ACOXL: variants seen among roughly 807,000 people sequenced by gnomAD.
ACOXL encodes the protein acyl-CoA oxidase like, also known as acyl-coenzyme A oxidase-like protein.
ACOXL carries 70 observed loss-of-function variants against 71.9 expected under a neutral mutation model. That is an observed-to-expected ratio of 0.97 (90% confidence interval 0.80 to 1.19). The LOEUF is 1.19. Among genes scored for constraint, ACOXL ranks in the 50% most tolerant of loss-of-function variants. The probability of loss-of-function intolerance (pLI) is 0.00; values close to 1 mark genes in which losing one functional copy is unlikely to be tolerated. For missense variants in ACOXL, 703 were observed against 736.3 expected (o/e 0.95, Z 0.52); for synonymous variants, 253 against 281.6 (o/e 0.90, Z 1.02).
intron 16 of ACOXL, among the ~76,000 whole-genome samples, chr2:111,091,991 C>T (rs1369222910): frequency 1.3e-5 from 2 of 152,148 alleles, no homozygotes; most frequent in African/African-American, 2.4e-5. Flanking sequence ...CTATTTGACT[C>T]AGAATAAGAG....
chr2:111,078,418 C>A (rs912067040), intron 16 of ACOXL, among the ~76,000 whole-genome samples: 1 of 152,116 alleles, frequency 6.6e-6, no homozygotes, highest in Non-Finnish European at 1.5e-5. Context: ...CACCCACCAC[C>A]ATGCCCAGCT....
At chr2:110,900,072 AACACACACACACATAC>A (rs1276363079) in intron 10 of ACOXL, among the ~76,000 whole-genome samples, 43 of 123,210 alleles carry the variant, frequency 3.5e-4, no homozygotes, top group African/African-American at 1.3e-3. Context: ...AAAGCTTTTC[AACACACACACACATAC>A]ACACACACAC....
chr2:110,815,085 G>T (rs914083123), intron 9 of ACOXL, among the ~76,000 whole-genome samples: 1 of 152,194 alleles, frequency 6.6e-6, no homozygotes, highest in Admixed American at 6.5e-5. Context: ...TACAATCATG[G>T]TGGAAGGGCG....
intron 15 of ACOXL, among the ~76,000 whole-genome samples, chr2:111,035,439 C>T (rs917990937): frequency 6.6e-6 from 1 of 152,122 alleles, no homozygotes; most frequent in African/African-American, 2.4e-5. Context: ...CTGTCTGAAC[C>T]CCTAAGGGTG....
At position 110,798,724 on chromosome 2, in the gene ACOXL, G is replaced by T. The variant is rs542201176; in HGVS notation, c.460G>T (p.Gly154Trp). 97 of 1,612,972 alleles carry T rather than the reference G, an allele frequency of 6.0e-5. No individual in the cohort carries two copies. In the South Asian group the frequency reaches 9.3e-4, roughly 16 times the overall value. Residue 154 changes from glycine (G) to tryptophan (W), a missense_variant and splice_region_variant, in exon 6 of 18, where the codon GGG becomes TGG. Transcript: ENST00000439055. Reference sequence around the variant, plus strand: ...GCTCATCATAGATGGAAGATCTCAAGGTTTGTTACCAATACAGACAACTAG... The same window carrying T: ...GCTCATCATAGATGGAAGATCTCAATGTTTGTTACCAATACAGACAACTAG... Reference protein sequence around the residue: ...AQLIIDGRSQGPHCFIVPVRD... With the variant: ...AQLIIDGRSQWPHCFIVPVRD...
intron 13 of ACOXL, among the ~76,000 whole-genome samples, chr2:110,990,686 AC>A (rs1478096326): frequency 6.6e-6 from 1 of 152,212 alleles, no homozygotes; most frequent in Non-Finnish European, 1.5e-5. Context: ...AGAAGCTTAT[AC>A]ATTTTAAATG....
chr2:110,829,421 A>G (rs2105611359), intron 9 of ACOXL, among the ~76,000 whole-genome samples: 1 of 152,286 alleles, frequency 6.6e-6, no homozygotes, highest in South Asian at 2.1e-4. Context: ...CTCCTCGGGA[A>G]GTTGGTTCTT....
intron 14 of ACOXL, among the ~76,000 whole-genome samples, chr2:111,002,719 T>C (rs181090290): frequency 1.6e-4 from 24 of 152,318 alleles, no homozygotes; most frequent in African/African-American, 5.1e-4. Context: ...TCTTTTCATA[T>C]TTTCATTTTA....
intron 9 of ACOXL, among the ~76,000 whole-genome samples, chr2:110,813,392 C>A (rs1687568882): frequency 6.6e-6 from 1 of 152,178 alleles, no homozygotes; most frequent in African/African-American, 2.4e-5. Flanking sequence ...GACTGCTTCC[C>A]AGTGCTCCCA....
chr2:110,803,401 C>G (rs1686229839), intron 8 of ACOXL, among the ~76,000 whole-genome samples: 1 of 152,108 alleles, frequency 6.6e-6, no homozygotes, highest in Admixed American at 6.6e-5. Context: ...ACTGCAGAGC[C>G]AAGACAATTC....
intron 14 of ACOXL, among the ~76,000 whole-genome samples, chr2:111,004,375 G>A (rs908727053): frequency 3.4e-4 from 52 of 152,280 alleles, no homozygotes; most frequent in Middle Eastern, 3.4e-3. Context: ...AGTGAGAAGG[G>A]CTAGCAATCC....
chr2:111,034,477 C>A (rs1446679161), intron 15 of ACOXL, among the ~76,000 whole-genome samples: 3 of 152,160 alleles, frequency 2.0e-5, no homozygotes, highest in Non-Finnish European at 4.4e-5. Context: ...TCCAAATCAA[C>A]CCTGAACCTT....
intron 7 of ACOXL, among the ~76,000 whole-genome samples, chr2:110,799,410 G>A (rs1207658277): frequency 6.6e-6 from 1 of 152,124 alleles, no homozygotes; most frequent in East Asian, 1.9e-4. Context: ...GGCTCTCAGG[G>A]GGCAGGCTGT....
chr2:110,944,478 G>A (rs770644482), intron 12 of ACOXL, among the ~76,000 whole-genome samples: 8 of 152,128 alleles, frequency 5.3e-5, no homozygotes, highest in Non-Finnish European at 1.2e-4. Flanking sequence ...GTCCTCAATA[G>A]GTAGTTTTTT....
At chr2:110,754,069 A>AT (rs1679355205) in intron 1 of ACOXL, among the ~76,000 whole-genome samples, 1 of 136,936 alleles carries the variant, frequency 7.3e-6, no homozygotes, top group African/African-American at 2.9e-5. Flanking sequence ...TAGTTCTGTG[A>AT]ATTTTTTTTT....
intron 14 of ACOXL, among the ~76,000 whole-genome samples, chr2:111,017,135 T>C (rs995638656): frequency 6.6e-6 from 1 of 152,236 alleles, no homozygotes; most frequent in Non-Finnish European, 1.5e-5. Context: ...TTTCTTGAAG[T>C]TCCCCCCTGA....
At chr2:110,846,403 T>C (rs961376516) in intron 10 of ACOXL, among the ~76,000 whole-genome samples, 12 of 152,116 alleles carry the variant, frequency 7.9e-5, no homozygotes, top group Admixed American at 7.9e-4. Flanking sequence ...ACTAAAATCC[T>C]GTACCCTTGG....
chr2:110,735,112 A>G (rs1676668480), intron 1 of ACOXL, among the ~76,000 whole-genome samples: 1 of 152,240 alleles, frequency 6.6e-6, no homozygotes. Context: ...TCAGAGTTGT[A>G]GTAATGGCAT....
chr2:111,007,896 C>T (rs2063951133), intron 14 of ACOXL, among the ~76,000 whole-genome samples: 1 of 152,170 alleles, frequency 6.6e-6, no homozygotes, highest in East Asian at 1.9e-4. Flanking sequence ...TTTTTTCTAG[C>T]CTGCCCTCTT....
Sources: allele counts gnomAD v4.1 joint callset (sites outside exome capture counted in the v4.1 genomes callset), GRCh38; gene constraint gnomAD v4.1.1; transcripts MANE v1.5; gene names NCBI Gene and HGNC (gene_info 2026-07-23, HGNC 2026-07-21).